FARS2: variants seen among roughly 807,000 people sequenced by gnomAD.
FARS2 encodes phenylalanine--tRNA ligase, mitochondrial.
In FARS2, 40 loss-of-function variants were observed where a neutral mutation model predicts 46.4. The observed-to-expected ratio is 0.86, with a 90% confidence interval of 0.67 to 1.12. FARS2 has a LOEUF of 1.12. FARS2 is among the 50% of genes most tolerant of loss of function. The pLI is 0.00. For missense variants in FARS2, 513 were observed against 567.9 expected (o/e 0.90, Z 0.98); for synonymous variants, 234 against 214.9 (o/e 1.09, Z -0.78).
chr6:5,729,270 T>A (rs1356759732), intron 6 of FARS2, among the ~76,000 whole-genome samples: 1 of 152,142 alleles, frequency 6.6e-6, no homozygotes, highest in Non-Finnish European at 1.5e-5. Context: ...GAATAGCTCG[T>A]GCTAATGAAT....
chr6:5,652,898 G>A (rs1385994175), intron 6 of FARS2, among the ~76,000 whole-genome samples: 2 of 152,322 alleles, frequency 1.3e-5, no homozygotes, highest in South Asian at 2.1e-4. Context: ...TCGTGTCCAG[G>A]ATCCTAAGAG....
At chr6:5,295,514 G>T (rs1021544222) in intron 1 of FARS2, among the ~76,000 whole-genome samples, 10 of 151,958 alleles carry the variant, frequency 6.6e-5, no homozygotes, top group Non-Finnish European at 1.3e-4. Flanking sequence ...GTTTTAAAAA[G>T]GATCAAGCAA....
intron 5 of FARS2, among the ~76,000 whole-genome samples, chr6:5,574,772 T>C (rs1314937790): frequency 6.6e-6 from 1 of 152,192 alleles, no homozygotes; most frequent in Non-Finnish European, 1.5e-5. Context: ...TGTTTAGTGG[T>C]ACCTTATTTA....
At chr6:5,358,834 C>CT (rs1232428982) in intron 1 of FARS2, among the ~76,000 whole-genome samples, 2 of 151,716 alleles carry the variant, frequency 1.3e-5, no homozygotes, top group Non-Finnish European at 1.5e-5. Flanking sequence ...TGATTTGTGT[C>CT]TAAAAAAAAA....
At chr6:5,302,930 G>T (rs1768423909) in intron 1 of FARS2, among the ~76,000 whole-genome samples, 1 of 152,188 alleles carries the variant, frequency 6.6e-6, no homozygotes, top group Admixed American at 6.5e-5. Flanking sequence ...CACACAGGGT[G>T]CCAGCTGCTG....
At chr6:5,607,674 G>A (rs1250225457) in intron 5 of FARS2, among the ~76,000 whole-genome samples, 1 of 152,086 alleles carries the variant, frequency 6.6e-6, no homozygotes, top group Non-Finnish European at 1.5e-5. Flanking sequence ...TGGTGAAACT[G>A]AGGTCATGCC....
intron 4 of FARS2, among the ~76,000 whole-genome samples, chr6:5,470,296 A>T (rs1236262891): frequency 6.6e-6 from 1 of 152,244 alleles, no homozygotes; most frequent in African/African-American, 2.4e-5. Context: ...ATTATGTTTT[A>T]TAAGTAGACG....
intron 6 of FARS2, among the ~76,000 whole-genome samples, chr6:5,761,852 G>T (rs938286281): frequency 2.0e-5 from 3 of 151,450 alleles, no homozygotes; most frequent in Non-Finnish European, 2.9e-5. Flanking sequence ...ACAATGCAAG[G>T]TATCTTCATT....
At chr6:5,365,923 T>C (rs772586261) in intron 1 of FARS2, among the ~76,000 whole-genome samples, 3 of 152,164 alleles carry the variant, frequency 2.0e-5, no homozygotes, top group Non-Finnish European at 4.4e-5. Context: ...ATCCTAAAGA[T>C]CTTTATTCTT....
chr6:5,276,062 A>C (rs781223365), intron 1 of FARS2, among the ~76,000 whole-genome samples: 2 of 152,148 alleles, frequency 1.3e-5, no homozygotes, highest in Non-Finnish European at 2.9e-5. Context: ...TGCATTTGGA[A>C]ACCCTATTTT....
intron 4 of FARS2, among the ~76,000 whole-genome samples, chr6:5,479,083 G>A (rs1245586760): frequency 3.9e-5 from 6 of 152,218 alleles, no homozygotes; most frequent in East Asian, 3.8e-4. Context: ...GGGTGAACCC[G>A]TGAATCTGTA....
At chr6:5,276,614 C>T (rs139779251) in intron 1 of FARS2, among the ~76,000 whole-genome samples, 103 of 152,272 alleles carry the variant, frequency 6.8e-4, no homozygotes, top group African/African-American at 2.4e-3. Context: ...TTATTCTTTA[C>T]GGAATGGCTG....
intron 6 of FARS2, among the ~76,000 whole-genome samples, chr6:5,623,688 G>A (rs1775886909): frequency 6.6e-6 from 1 of 150,800 alleles, no homozygotes; most frequent in African/African-American, 2.5e-5. Context: ...CTCCAGCCTG[G>A]GTGACAGAGC....
In FARS2 at chr6:5,663,521, T is replaced by C. The variant is rs573403728; in HGVS notation, c.1217+50201T>C. Among the ~76,000 whole-genome samples the C allele has an allele frequency of 1.4e-4, 22 of 152,256 alleles. 1 individual carries two copies. Among genetic ancestry groups the C allele is most frequent in the African/African-American group, 5.1e-4 (21 of 41,526 alleles). ...GACAGCTTTCTTCAGTGCCTCGTAT[T>C]GTTAATGACTCAGAGAATGTGTTTC... On this transcript the variant is annotated intron_variant, in intron 6 of 6. Transcript: ENST00000274680.
At chr6:5,272,342 G>A (rs1351232742) in intron 1 of FARS2, 1 of 152,020 alleles carries the variant, frequency 6.6e-6, no homozygotes, top group South Asian at 2.1e-4. Context: ...AGTTTTTCTT[G>A]TTGAATTAAT....
At chr6:5,567,939 G>C (rs980208463) in intron 5 of FARS2, among the ~76,000 whole-genome samples, 1 of 152,214 alleles carries the variant, frequency 6.6e-6, no homozygotes, top group Non-Finnish European at 1.5e-5. Flanking sequence ...AAAGTGAGTA[G>C]GATTTTCCTA....
At chr6:5,541,069 G>C (rs1185787486) in intron 4 of FARS2, among the ~76,000 whole-genome samples, 4 of 152,150 alleles carry the variant, frequency 2.6e-5, no homozygotes, top group African/African-American at 9.7e-5. Context: ...TCAGCACTTA[G>C]AATATGTAAG....
chr6:5,405,699 T>G (rs531433946), intron 3 of FARS2, among the ~76,000 whole-genome samples: 2 of 151,778 alleles, frequency 1.3e-5, no homozygotes, highest in East Asian at 3.9e-4. Flanking sequence ...TCACCGTGTT[T>G]GCCAAGATGG....
At chr6:5,583,007 T>A (rs1436525281) in intron 5 of FARS2, among the ~76,000 whole-genome samples, 2 of 152,142 alleles carry the variant, frequency 1.3e-5, no homozygotes, top group Non-Finnish European at 2.9e-5. Context: ...TAAAAAATAA[T>A]GTGCTGTGGT....
Sources: allele counts gnomAD v4.1 joint callset (sites outside exome capture counted in the v4.1 genomes callset), GRCh38; gene constraint gnomAD v4.1.1; transcripts MANE v1.5; gene names NCBI Gene and HGNC (gene_info 2026-07-23, HGNC 2026-07-21).